MYH15: variants seen among roughly 807,000 people sequenced by gnomAD.
The protein encoded by MYH15 is myosin-15.
In MYH15, 227 loss-of-function variants were observed where a neutral mutation model predicts 240.5. That is an observed-to-expected ratio of 0.94 (90% CI 0.85 to 1.05). The LOEUF is 1.05. Among genes scored for constraint, MYH15 ranks in the 50% least tolerant of loss-of-function variants. The pLI is 0.00. For missense variants in MYH15, 2,217 were observed against 2,247.5 expected (o/e 0.99, Z 0.27); for synonymous variants, 785 against 796.7 (o/e 0.99, Z 0.25).
In MYH15 at chr3:108,439,854, TC is replaced by T. The variant is rs769261861; in HGVS notation, c.2957del (p.Arg986LysfsTer27). On this transcript the variant is annotated frameshift_variant, in exon 24 of 41. Transcript: ENST00000693548. LOFTEE classifies it high-confidence loss of function. Reference protein sequence around the residue: ...FLNEDISKLNRAAKVVQEAHQ... With the variant: ...FLNEDISKLNXAAKVVQEAHQ... ...GGGCCTCCTGCACAACCTTGGCTGC[TC>T]TGTTAAGTTTGCTGATATCCTCATT... The T allele has an allele frequency of 6.2e-7, 1 of 1,612,430 alleles. No individual in the cohort carries two copies. Among genetic ancestry groups the T allele is most frequent in the Non-Finnish European group, 8.5e-7 (1 of 1,179,404 alleles).
intron 32 of MYH15, among the ~76,000 whole-genome samples, chr3:108,407,178 T>C (rs1166169636): frequency 1.3e-5 from 2 of 152,328 alleles, no homozygotes; most frequent in Admixed American, 6.5e-5. Context: ...GAGGGTAATA[T>C]GGACACATTT....
At chr3:108,451,721 A>G (rs1560379964) in intron 21 of MYH15, among the ~76,000 whole-genome samples, 1 of 152,166 alleles carries the variant, frequency 6.6e-6, no homozygotes, top group Non-Finnish European at 1.5e-5. Flanking sequence ...AAAGAAAATT[A>G]CAGGCCAATC....
chr3:108,401,584 A>C (rs1560320799), intron 33 of MYH15, among the ~76,000 whole-genome samples: 1 of 152,238 alleles, frequency 6.6e-6, no homozygotes, highest in African/African-American at 2.4e-5. Flanking sequence ...TCTGTCCTAC[A>C]TTGGGAAACT....
At chr3:108,420,555 T>G (rs2082674461) in intron 28 of MYH15, among the ~76,000 whole-genome samples, 1 of 151,784 alleles carries the variant, frequency 6.6e-6, no homozygotes, top group South Asian at 2.1e-4. Context: ...ATGCCCGGGG[T>G]GTACAAAGCA....
chr3:108,463,289 CA>C, intron 15 of MYH15, 46 bp from the exon 16 acceptor site: 2 of 1,555,172 alleles, frequency 1.3e-6, no homozygotes, highest in Non-Finnish European at 1.7e-6. Flanking sequence ...AAAAAAACTG[CA>C]TAAGTTAACA....
In MYH15 at chr3:108,497,611, TG is replaced by T. The variant is rs575729551; in HGVS notation, c.618+440del. ...GATTAACATTGAGGGGTATATTCATTGGGCATTTAGAATTTGATCCAGGAGT... is the reference window on the plus strand; with the variant it reads ...GATTAACATTGAGGGGTATATTCATTGGCATTTAGAATTTGATCCAGGAGT... On this transcript the variant is annotated intron_variant, in intron 6 of 40. Coordinates refer to ENST00000693548, the MANE Select transcript of MYH15 (RefSeq NM_014981.3). Among the ~76,000 whole-genome samples the T allele has an allele frequency of 2.4e-4, 37 of 152,304 alleles. 1 individual carries two copies. The highest frequency in any genetic ancestry group is 4.3e-4 in the Non-Finnish European group (29 of 68,032).
chr3:108,393,369 C>T (rs1171865503), intron 36 of MYH15, among the ~76,000 whole-genome samples: 1 of 152,198 alleles, frequency 6.6e-6, no homozygotes, highest in Non-Finnish European at 1.5e-5. Flanking sequence ...ACATATTTTT[C>T]CCAGTGGTAC....
chr3:108,428,565 T>A lies in MYH15; in HGVS notation c.3629A>T (p.Glu1210Val). ...ENLQQVKQKL[E>V]KDKSDLQLEV... is the part of the protein sequence containing the mutation. ...TAGCTGCAAGTCACTCTTGTCTTTT[T>A]CCAGTTTCTGCTTGACCTGCTGTAG... The change falls in exon 27 of 41, where the codon GAA becomes GTA. Residue 1210 changes from glutamate (E) to valine (V), a missense_variant. Transcript: ENST00000693548. 1 of 1,614,118 alleles carries A rather than the reference T, an allele frequency of 6.2e-7. No homozygotes were observed. The highest frequency in any genetic ancestry group is 8.5e-7 in the Non-Finnish European group (1 of 1,180,042).
intron 22 of MYH15, among the ~76,000 whole-genome samples, chr3:108,441,800 T>C (rs1478280903): frequency 1.3e-5 from 2 of 152,256 alleles, no homozygotes; most frequent in East Asian, 3.8e-4. Flanking sequence ...TAAGGTTATT[T>C]GCAAGTCACT....
At chr3:108,454,235 G>C in intron 20 of MYH15, 93 bp from the exon 21 acceptor site, 1 of 1,131,382 alleles carries the variant, frequency 8.8e-7, no homozygotes, top group Non-Finnish European at 1.2e-6. Flanking sequence ...TGTTCCTAGG[G>C]ATAACTGTAT....
chr3:108,393,983 C>G (rs1280361102), intron 36 of MYH15, 48 bp downstream of exon 36: 5 of 1,611,828 alleles, frequency 3.1e-6, no homozygotes, highest in Admixed American at 3.3e-5. Flanking sequence ...GGCCACTGCG[C>G]CAGTGAACTC....
chr3:108,538,474 C>T, the MYH15 span, among the ~76,000 whole-genome samples: 1 of 152,088 alleles, frequency 6.6e-6, no homozygotes, highest in African/African-American at 2.4e-5. Flanking sequence ...TTTCATAAGG[C>T]ATTTCTAGGA....
Position 108,460,318 on chromosome 3 carries a change from C to CTG in MYH15, c.1913_1914insCA (p.Val639ArgfsTer10), listed in dbSNP as rs1560389867. On this transcript the variant is annotated frameshift_variant, in exon 17 of 41. Coordinates refer to ENST00000693548, the MANE Select transcript of MYH15 (RefSeq NM_014981.3). LOFTEE classifies it high-confidence loss of function. ...AAATTACTTTATGCAGAGATGCAAC[C>CTG]GTTTGGAATGAAGCTCCTTTCTTTC... 9 of 1,599,012 alleles carry CTG rather than the reference C, an allele frequency of 5.6e-6. No individual in the cohort carries two copies. Among genetic ancestry groups the CTG allele is most frequent in the Non-Finnish European group, 1.7e-6 (2 of 1,172,356 alleles).
chr3:108,518,364 C>G (rs977213732), intron 1 of MYH15, among the ~76,000 whole-genome samples: 2 of 152,166 alleles, frequency 1.3e-5, no homozygotes, highest in African/African-American at 4.8e-5. Context: ...AAAACCATCT[C>G]CATCTTTCCA....
chr3:108,433,678 C>A (rs1453106287), intron 25 of MYH15, among the ~76,000 whole-genome samples: 1 of 152,034 alleles, frequency 6.6e-6, no homozygotes, highest in Non-Finnish European at 1.5e-5. Context: ...AGGAGGAGTC[C>A]CCCTGCACAA....
Position 108,454,273 on chromosome 3 carries a change from A to T in MYH15, c.2263-131T>A, listed in dbSNP as rs548835509. 2.0e-4 allele frequency: 158 copies of T among 784,548 alleles called. No homozygotes were observed. The African/African-American group carries it at 2.5e-3, about 12-fold the overall frequency. The allele number at this position is 784,548 out of a possible 1,614,324, so 48.6% of individuals were successfully genotyped here. A position where few individuals can be genotyped will look rare whatever the true frequency, so the allele number is the denominator to read the frequency against. On this transcript the variant is annotated intron_variant, in intron 20 of 40. Coordinates refer to ENST00000693548, the MANE Select transcript of MYH15 (RefSeq NM_014981.3). The stretch of plus-strand genomic sequence containing the variant: ...ATTCCATTTCTTGTAAGTTTTATTT[A>T]ATGTGTAAAATCTACTTCTTAGAAA...
At position 108,529,157 on chromosome 3, in the gene MYH15, G is replaced by C. The variant is rs1306210377; in HGVS notation, c.-58+106C>G. On this transcript the variant is annotated intron_variant, in intron 1 of 41. Coordinates refer to the MYH15 transcript ENST00000273353. The stretch of plus-strand genomic sequence containing the variant: ...TTTTTATACTATCATGTAGTAATTG[G>C]TGTGCTGCTGATTAAGACCATCAAG... 3.0e-6 allele frequency: 3 copies of C among 1,003,304 alleles called. No individual in the cohort carries two copies. The East Asian group carries it at 7.5e-5, about 25-fold the overall frequency. The allele number at this position is 1,003,304 out of a possible 1,614,324, so 62.2% of individuals were successfully genotyped here. A position where few individuals can be genotyped will look rare whatever the true frequency, so the allele number is the denominator to read the frequency against.
At chr3:108,486,385 C>T (rs1398853779) in intron 10 of MYH15, 38 bp downstream of exon 10, 1 of 1,500,812 alleles carries the variant, frequency 6.7e-7, no homozygotes, top group Non-Finnish European at 9.3e-7. Flanking sequence ...TTCTCATTGC[C>T]ATTACCAGAT....
intron 18 of MYH15, among the ~76,000 whole-genome samples, chr3:108,458,280 C>T (rs1411123630): frequency 6.6e-6 from 1 of 152,150 alleles, no homozygotes; most frequent in African/African-American, 2.4e-5. Flanking sequence ...CAAAATAGAA[C>T]TCAGCTAATT....
Sources: allele counts gnomAD v4.1 joint callset (sites outside exome capture counted in the v4.1 genomes callset), GRCh38; gene constraint gnomAD v4.1.1; transcripts MANE v1.5; gene names NCBI Gene and HGNC (gene_info 2026-07-23, HGNC 2026-07-21).